The following LONP2 variants were observed in gnomAD, a reference collection of about 807,000 sequenced individuals.
LONP2 encodes the protein lon peptidase 2, peroxisomal.
LONP2 carries 60 observed loss-of-function variants against 85.6 expected under a neutral mutation model. That is an observed-to-expected ratio of 0.70 (90% CI 0.57 to 0.87). The LOEUF (loss-of-function observed/expected upper bound fraction) is 0.87, where lower values mean the gene tolerates loss of function less well. Among genes scored for constraint, LONP2 ranks in the 40% least tolerant of loss-of-function variants. The pLI, the probability that LONP2 is intolerant of heterozygous loss-of-function variation, is 0.00. For synonymous variants in LONP2, 395 were observed against 389.7 expected, an observed-to-expected ratio of 1.01 and a Z score of -0.16; for missense variants, 860 against 1,063.5, an observed-to-expected ratio of 0.81 and a Z score of 2.66.
chr16:48,314,947 C>T (rs975767821), intron 11 of LONP2, among the ~76,000 whole-genome samples: 1 of 152,146 alleles, frequency 6.6e-6, no homozygotes, highest in South Asian at 2.1e-4. Context: ...ATGCAGATGT[C>T]AGTTTTTACT....
chr16:48,350,106 C>T (rs1484360022), intron 14 of LONP2, among the ~76,000 whole-genome samples: 1 of 152,184 alleles, frequency 6.6e-6, no homozygotes, highest in African/African-American at 2.4e-5. Flanking sequence ...AGTAAGGAGG[C>T]TGGGTGTGGT....
At chr16:48,251,806 T>C (rs1030598666) in intron 1 of LONP2, among the ~76,000 whole-genome samples, 4 of 152,236 alleles carry the variant, frequency 2.6e-5, no homozygotes, top group Non-Finnish European at 4.4e-5. Flanking sequence ...TTATTCTTAG[T>C]TGACAATGTT....
intron 1 of LONP2, among the ~76,000 whole-genome samples, chr16:48,250,279 G>C (rs75262934): frequency 0.012 from 1,857 of 151,126 alleles, 39 homozygotes; most frequent in African/African-American, 0.043. Context: ...TCAAGAGATC[G>C]AGATCATCCT....
intron 11 of LONP2, among the ~76,000 whole-genome samples, chr16:48,332,678 G>C (rs867878752): frequency 6.7e-6 from 1 of 149,916 alleles, no homozygotes. Context: ...GGCACTACAC[G>C]CCCGCCTGGG....
chr16:48,348,511 A>C (rs1457843436), intron 14 of LONP2, among the ~76,000 whole-genome samples: 1 of 99,124 alleles, frequency 1.0e-5, no homozygotes, highest in Non-Finnish European at 2.0e-5. Flanking sequence ...TTTTTTTTTG[A>C]AATAGACAGG....
At chr16:48,258,143 C>T (rs578034375) in intron 3 of LONP2, among the ~76,000 whole-genome samples, 4 of 152,108 alleles carry the variant, frequency 2.6e-5, no homozygotes, top group South Asian at 2.1e-4. Context: ...GTCAGGAGAT[C>T]GAGACCATCC....
chr16:48,351,634 A>G lies in LONP2; in HGVS notation c.2391A>G (p.Gln797=). The G allele has an allele frequency of 1.2e-6, 2 of 1,614,150 alleles. No homozygotes were observed. The highest frequency in any genetic ancestry group is 1.7e-6 in the Non-Finnish European group (2 of 1,180,008). Residue 797 remains glutamine, a synonymous_variant, in exon 15 of 15, where the codon CAA becomes CAG. Transcript: ENST00000285737. The part of the protein sequence containing the change: ...VLAAHRAGLK[Q]VIIPRRNEKD... ...CGGCACACAGAGCGGGACTGAAGCA[A>G]GTCATTATTCCTCGGAGAAATGAAA... is the stretch of plus-strand genomic sequence containing the variant.
At chr16:48,314,487 A>G (rs923021172) in intron 11 of LONP2, among the ~76,000 whole-genome samples, 1 of 152,210 alleles carries the variant, frequency 6.6e-6, no homozygotes, top group Admixed American at 6.5e-5. Context: ...TAATTTTTGT[A>G]TAAGGTGTAA....
In LONP2 at chr16:48,347,584, G is replaced by C. The variant is rs1473211417; in HGVS notation, c.2016G>C (p.Val672=). Residue 672 remains valine, a synonymous_variant, in exon 13 of 15, where the codon GTG becomes GTC. Transcript: ENST00000285737. ...CCTTAGGTGGAGAAATCATGTTCGTGGAGGCGAGTCGAATGGATGGCGAGG... is the reference window on the plus strand; with the variant it reads ...CCTTAGGTGGAGAAATCATGTTCGTCGAGGCGAGTCGAATGGATGGCGAGG... ...WTPLGGEIMF[V]EASRMDGEGQ... The C allele has an allele frequency of 6.2e-7, 1 of 1,614,244 alleles. No homozygotes were observed. The highest frequency in any genetic ancestry group is 8.5e-7 in the Non-Finnish European group (1 of 1,180,038).
At chr16:48,320,093 G>T (rs1383178599) in intron 11 of LONP2, among the ~76,000 whole-genome samples, 1 of 150,288 alleles carries the variant, frequency 6.7e-6, no homozygotes, top group African/African-American at 2.5e-5. Flanking sequence ...TTGGGGGGCG[G>T]AGGTTGCAGT....
At position 48,353,597 on chromosome 16, in the gene LONP2, A is replaced by G. The variant is rs1206039754; in HGVS notation, c.*1795A>G. ...GAATGCATTGAGAGGAAAAGTCCAG[A>G]CCTAGGACTAGTTATGGCAGTTGGA... is the stretch of plus-strand genomic sequence containing the variant. On this transcript the variant is annotated 3_prime_UTR_variant, in exon 15 of 15. Transcript: ENST00000285737. 1 of 151,992 alleles carries G rather than the reference A, an allele frequency of 6.6e-6. No homozygotes were observed. The highest frequency in any genetic ancestry group is 1.9e-4 in the East Asian group (1 of 5,196). The allele number at this position is 151,992 out of a possible 1,614,324, so 9.4% of individuals were successfully genotyped here. A position where few individuals can be genotyped will look rare whatever the true frequency, so the allele number is the denominator to read the frequency against.
intron 2 of LONP2, among the ~76,000 whole-genome samples, chr16:48,253,924 C>T (rs1971704171): frequency 6.6e-6 from 1 of 152,132 alleles, no homozygotes; most frequent in Non-Finnish European, 1.5e-5. Context: ...TTGTTAATTT[C>T]ATTGAGTTAA....
At chr16:48,251,140 C>T (rs1971636573) in intron 1 of LONP2, among the ~76,000 whole-genome samples, 1 of 152,224 alleles carries the variant, frequency 6.6e-6, no homozygotes, top group African/African-American at 2.4e-5. Context: ...AGTTCACTCA[C>T]ATAGTCACAT....
chr16:48,315,216 A>G (rs1444851343), intron 11 of LONP2, among the ~76,000 whole-genome samples: 1 of 152,244 alleles, frequency 6.6e-6, no homozygotes, highest in Non-Finnish European at 1.5e-5. Flanking sequence ...AACATTCTCC[A>G]GTAAACACTA....
chr16:48,350,032 G>C (rs1242609046), intron 14 of LONP2, among the ~76,000 whole-genome samples: 1 of 152,134 alleles, frequency 6.6e-6, no homozygotes, highest in Non-Finnish European at 1.5e-5. Flanking sequence ...CAGGAGGATA[G>C]CTCAAGTCCA....
chr16:48,269,587 T>C (rs1972059420), intron 6 of LONP2, among the ~76,000 whole-genome samples: 2 of 152,176 alleles, frequency 1.3e-5, no homozygotes, highest in Non-Finnish European at 2.9e-5. Context: ...TGGTGATCTC[T>C]TGGGGGCATG....
At chr16:48,301,990 A>G (rs913838765) in intron 10 of LONP2, among the ~76,000 whole-genome samples, 3 of 152,262 alleles carry the variant, frequency 2.0e-5, no homozygotes, top group Non-Finnish European at 4.4e-5. Context: ...TTAAACACCC[A>G]GAATTGAACA....
At chr16:48,256,589 G>T in intron 2 of LONP2, 21 bp from the exon 3 acceptor site, 3 of 1,606,760 alleles carry the variant, frequency 1.9e-6, no homozygotes, top group Non-Finnish European at 2.5e-6. Flanking sequence ...TCATTTAAAA[G>T]ACTTTTTTTC....
Position 48,351,979 on chromosome 16 carries a change from T to C in LONP2, c.*177T>C, listed in dbSNP as rs1960167025. The C allele has an allele frequency of 3.3e-6, 2 of 601,574 alleles. No homozygotes were observed. The highest frequency in any genetic ancestry group is 2.1e-5 in the South Asian group (1 of 46,918). The allele number at this position is 601,574 out of a possible 1,614,324, so 37.3% of individuals were successfully genotyped here. ...TTAGTATAGAAATATAAGATGTTGA[T>C]TTAGTAAACTGATAAAAATCGAATT... On this transcript the variant is annotated 3_prime_UTR_variant, in exon 15 of 15. Coordinates refer to ENST00000285737, the MANE Select transcript of LONP2 (RefSeq NM_031490.5).
Sources: allele counts gnomAD v4.1 joint callset (sites outside exome capture counted in the v4.1 genomes callset), GRCh38; gene constraint gnomAD v4.1.1; transcripts MANE v1.5; gene names NCBI Gene and HGNC (gene_info 2026-07-23, HGNC 2026-07-21).